Variants in TPH2 observed in about 807,000 individuals in gnomAD.
TPH2 encodes the protein tryptophan 5-hydroxylase 2.
Under a neutral mutation model 59.1 loss-of-function variants are expected in TPH2, and 27 were observed. The ratio of observed to expected loss-of-function variants is 0.46; its 90% confidence interval spans 0.34 to 0.63. The LOEUF (loss-of-function observed/expected upper bound fraction) is 0.63, where lower values mean the gene tolerates loss of function less well. TPH2 is among the 30% of genes least tolerant of loss of function. TPH2 has a pLI of 0.01. For synonymous variants in TPH2, 220 were observed against 210.5 expected (o/e 1.05, Z -0.39); for missense variants, 523 against 588.3 (o/e 0.89, Z 1.15).
chr12:72,028,587 T>A (rs1873632182), intron 9 of TPH2, among the ~76,000 whole-genome samples: 1 of 152,078 alleles, frequency 6.6e-6, no homozygotes, highest in African/African-American at 2.4e-5. Flanking sequence ...TTTATATGGG[T>A]GACATTACTT....
intron 5 of TPH2, among the ~76,000 whole-genome samples, chr12:71,954,186 C>T (rs1414017398): frequency 6.6e-6 from 1 of 152,114 alleles, no homozygotes; most frequent in African/African-American, 2.4e-5. Flanking sequence ...CGGGAAAGCG[C>T]CGGCATGCTA....
At position 71,939,028 on chromosome 12, in the gene TPH2, A is replaced by T; in HGVS notation, c.42A>T (p.Ala14=). ...AMMMFSSKYW[A]RRGFSLDSAV... ...TGATGTTTTCCAGTAAATACTGGGCACGGAGAGGGTTTTCCCTGGATTCAG... is the reference window on the plus strand; with the variant it reads ...TGATGTTTTCCAGTAAATACTGGGCTCGGAGAGGGTTTTCCCTGGATTCAG... The change falls in exon 1 of 11, where the codon GCA becomes GCT. Residue 14 remains alanine, a synonymous_variant. Coordinates refer to ENST00000333850, the MANE Select transcript of TPH2 (RefSeq NM_173353.4). 6.2e-7 allele frequency: 1 copy of T among 1,614,160 alleles called. No individual in the cohort carries two copies. Among genetic ancestry groups the T allele is most frequent in the Admixed American group, 1.7e-5 (1 of 60,014 alleles).
intron 7 of TPH2, among the ~76,000 whole-genome samples, chr12:71,983,926 G>A (rs1340580753): frequency 1.3e-5 from 2 of 152,184 alleles, no homozygotes; most frequent in Non-Finnish European, 2.9e-5. Context: ...AGGTAGGAAC[G>A]ATAACTCACA....
chr12:71,978,154 A>C (rs1312730457), intron 6 of TPH2, among the ~76,000 whole-genome samples: 1 of 152,106 alleles, frequency 6.6e-6, no homozygotes, highest in Non-Finnish European at 1.5e-5. Context: ...CATTTCCTAG[A>C]ATGTATCCCC....
At chr12:71,984,952 T>C (rs1035420072) in intron 7 of TPH2, among the ~76,000 whole-genome samples, 3 of 152,190 alleles carry the variant, frequency 2.0e-5, no homozygotes, top group Non-Finnish European at 2.9e-5. Flanking sequence ...TCCTTCAGCA[T>C]AGATAATCTT....
intron 8 of TPH2, among the ~76,000 whole-genome samples, chr12:72,013,513 A>G (rs1347616734): frequency 1.3e-5 from 2 of 152,120 alleles, no homozygotes; most frequent in Admixed American, 6.5e-5. Context: ...ACTTTTTCCA[A>G]TAACTTCTCT....
At chr12:71,956,435 C>T (rs1436038290) in intron 5 of TPH2, among the ~76,000 whole-genome samples, 1 of 146,214 alleles carries the variant, frequency 6.8e-6, no homozygotes, top group African/African-American at 2.5e-5. Context: ...TCCCTCCCTC[C>T]CTTCCTCCCT....
chr12:72,025,327 T>A (rs933239808), intron 9 of TPH2, among the ~76,000 whole-genome samples: 1 of 152,158 alleles, frequency 6.6e-6, no homozygotes. Context: ...GAGGTTTTGG[T>A]GTCACCTTTA....
At chr12:71,956,416 C>A (rs1253766460) in intron 5 of TPH2, among the ~76,000 whole-genome samples, 1 of 150,320 alleles carries the variant, frequency 6.7e-6, no homozygotes, top group Non-Finnish European at 1.5e-5. Context: ...CTCTCCTTCC[C>A]TCTCTCCCTC....
Position 72,031,578 on chromosome 12 carries a change from G to A in TPH2, c.1356G>A (p.Gln452=). ...CAGTATACTTCAATCCCTACACACAGAGTATTGAAATTCTGAAAGACACCA... is the reference window on the plus strand; with the variant it reads ...CAGTATACTTCAATCCCTACACACAAAGTATTGAAATTCTGAAAGACACCA... ...PFSVYFNPYT[Q]SIEILKDTRS... The change falls in exon 11 of 11, where the codon CAG becomes CAA. Residue 452 remains glutamine (Q), a synonymous_variant. Transcript: ENST00000333850. The A allele has an allele frequency of 6.2e-7, 1 of 1,613,612 alleles. No homozygotes were observed.
intron 5 of TPH2, among the ~76,000 whole-genome samples, chr12:71,970,520 C>T (rs1871943860): frequency 6.6e-6 from 1 of 152,316 alleles, no homozygotes; most frequent in South Asian, 2.1e-4. Context: ...TCTCAAGTGG[C>T]TTCTCAATAT....
intron 4 of TPH2, 100 bp downstream of exon 4, chr12:71,944,786 C>A (rs1871158875): frequency 9.2e-7 from 1 of 1,092,840 alleles, no homozygotes. Flanking sequence ...TATTATAGAA[C>A]AATTTATTAT....
intron 4 of TPH2, among the ~76,000 whole-genome samples, chr12:71,945,132 T>C (rs953678162): frequency 6.6e-6 from 1 of 152,164 alleles, no homozygotes; most frequent in African/African-American, 2.4e-5. Context: ...GTAATGTAGT[T>C]GACTTCAGTC....
intron 5 of TPH2, among the ~76,000 whole-genome samples, chr12:71,954,803 T>C (rs1871448134): frequency 6.7e-6 from 1 of 149,924 alleles, no homozygotes; most frequent in South Asian, 2.2e-4. Context: ...GTTACAATGA[T>C]TATTCCTCAA....
intron 5 of TPH2, among the ~76,000 whole-genome samples, chr12:71,971,262 C>A (rs1451760076): frequency 1.3e-5 from 2 of 152,154 alleles, no homozygotes; most frequent in Admixed American, 1.3e-4. Flanking sequence ...AGGGGCACAA[C>A]TCCTAGTTTT....
At chr12:71,967,254 T>G (rs544621149) in intron 5 of TPH2, among the ~76,000 whole-genome samples, 1 of 152,292 alleles carries the variant, frequency 6.6e-6, no homozygotes, top group South Asian at 2.1e-4. Context: ...ACAAGGCTGG[T>G]TTTTCAGAAT....
At chr12:71,990,249 A>C (rs1024774049) in intron 7 of TPH2, among the ~76,000 whole-genome samples, 1 of 152,236 alleles carries the variant, frequency 6.6e-6, no homozygotes, top group Non-Finnish European at 1.5e-5. Flanking sequence ...TCATAATTAG[A>C]TACTCAGGGG....
At chr12:72,002,964 G>A (rs546177154) in intron 8 of TPH2, among the ~76,000 whole-genome samples, 397 of 152,284 alleles carry the variant, frequency 2.6e-3, no homozygotes, top group African/African-American at 9.0e-3. Context: ...GAAATGTACA[G>A]TCAGTCTTAA....
chr12:71,997,675 G>A (rs1370216959), intron 8 of TPH2, among the ~76,000 whole-genome samples: 1 of 151,952 alleles, frequency 6.6e-6, no homozygotes, highest in Non-Finnish European at 1.5e-5. Context: ...TCCCTGAAAT[G>A]TACCTGCTTT....
Sources: allele counts gnomAD v4.1 joint callset (sites outside exome capture counted in the v4.1 genomes callset), GRCh38; gene constraint gnomAD v4.1.1; transcripts MANE v1.5; gene names NCBI Gene and HGNC (gene_info 2026-07-23, HGNC 2026-07-21).